KLF12: variants seen among roughly 807,000 people sequenced by gnomAD.
KLF12 encodes the protein Krueppel-like factor 12.
KLF12 carries 9 observed loss-of-function variants against 37.8 expected under a neutral mutation model. The ratio of observed to expected loss-of-function variants is 0.24; its 90% CI spans 0.14 to 0.42. The LOEUF (loss-of-function observed/expected upper bound fraction) is 0.42, where lower values mean the gene tolerates loss of function less well. Among genes scored for constraint, KLF12 ranks in the 10% least tolerant of loss-of-function variants. KLF12 has a pLI of 1.00. For synonymous variants in KLF12, 208 were observed against 202.1 expected (o/e 1.03, Z -0.25); for missense variants, 411 against 516.0 (o/e 0.80, Z 1.97).
At chr13:73,972,685 G>A (rs369368528) in intron 2 of KLF12, among the ~76,000 whole-genome samples, 26 of 149,462 alleles carry the variant, frequency 1.7e-4, no homozygotes, top group South Asian at 1.1e-3. Flanking sequence ...CCGGCAGATC[G>A]ATACGAGGTG....
At chr13:73,716,717 GT>G (rs1875839122) in intron 6 of KLF12, among the ~76,000 whole-genome samples, 1 of 151,704 alleles carries the variant, frequency 6.6e-6, no homozygotes, top group South Asian at 2.1e-4. Context: ...ATATCATGCT[GT>G]TTATATCATT....
At chr13:73,914,115 C>T (rs1038700744) in intron 3 of KLF12, among the ~76,000 whole-genome samples, 1 of 152,202 alleles carries the variant, frequency 6.6e-6, no homozygotes, top group Non-Finnish European at 1.5e-5. Context: ...TGCCTTCCAT[C>T]CTATACCCCA....
intron 1 of KLF12, among the ~76,000 whole-genome samples, chr13:74,111,884 A>C (rs1254087755): frequency 5.9e-5 from 9 of 152,224 alleles, no homozygotes; most frequent in Non-Finnish European, 1.3e-4. Context: ...ATATTACAGA[A>C]AACTAGATCA....
At chr13:74,063,811 C>A (rs1351187419) in intron 1 of KLF12, among the ~76,000 whole-genome samples, 1 of 152,074 alleles carries the variant, frequency 6.6e-6, no homozygotes, top group African/African-American at 2.4e-5. Context: ...TTTTCACTTC[C>A]TTTTGTAATT....
intron 5 of KLF12, among the ~76,000 whole-genome samples, chr13:73,769,195 G>A (rs1880119602): frequency 6.6e-6 from 1 of 152,128 alleles, no homozygotes; most frequent in Non-Finnish European, 1.5e-5. Flanking sequence ...AAATTTTAGA[G>A]GGCAGAAATT....
At chr13:73,721,941 T>A (rs1876295839) in intron 6 of KLF12, among the ~76,000 whole-genome samples, 1 of 152,184 alleles carries the variant, frequency 6.6e-6, no homozygotes, top group Non-Finnish European at 1.5e-5. Context: ...TATGCTAATG[T>A]CTTCCTTGAC....
chr13:73,962,312 G>C, intron 2 of KLF12, among the ~76,000 whole-genome samples: 1 of 152,176 alleles, frequency 6.6e-6, no homozygotes, highest in Non-Finnish European at 1.5e-5. Context: ...ATGATCAAGA[G>C]ATGCCAGGTC....
chr13:74,227,135 C>T, the KLF12 span, among the ~76,000 whole-genome samples: 31,719 of 152,140 alleles, frequency 0.21, 5,386 homozygotes, highest in African/African-American at 0.47. Flanking sequence ...GGTAGCATCA[C>T]TTGCCTTTCC....
chr13:73,981,615 TA>T lies in KLF12; in HGVS notation c.33+13374del, dbSNP rs549415506. 9.2e-5 allele frequency among the ~76,000 whole-genome samples: 14 copies of T among 152,284 alleles called. 1 individual carries two copies. The East Asian group carries it at 2.7e-3, about 29-fold the overall frequency. On this transcript the variant is annotated intron_variant, in intron 2 of 7. Transcript: ENST00000377669. ...TATATGATGAAAAGAAAGGAAATTA[TA>T]ATACAAAATTCAGGATAAATGGTTA...
intron 2 of KLF12, among the ~76,000 whole-genome samples, chr13:73,956,769 A>AT (rs1890847238): frequency 6.7e-6 from 1 of 149,312 alleles, no homozygotes; most frequent in Non-Finnish European, 1.5e-5. Context: ...AAAAATAACA[A>AT]TAAAAAAAAC....
At chr13:73,988,622 T>C (rs1246730832) in intron 2 of KLF12, among the ~76,000 whole-genome samples, 1 of 152,176 alleles carries the variant, frequency 6.6e-6, no homozygotes. Flanking sequence ...ATTCTATTCT[T>C]TATCAACACA....
At chr13:73,857,931 T>C (rs1364541641) in intron 3 of KLF12, among the ~76,000 whole-genome samples, 1 of 152,112 alleles carries the variant, frequency 6.6e-6, no homozygotes, top group Non-Finnish European at 1.5e-5. Context: ...AGTGAAAAAA[T>C]GTTAGTATAC....
chr13:73,704,029 G>A (rs1434328919), intron 7 of KLF12, among the ~76,000 whole-genome samples: 4 of 152,138 alleles, frequency 2.6e-5, no homozygotes, highest in Non-Finnish European at 5.9e-5. Context: ...TGGCTGTTCT[G>A]AGTTTTCATT....
chr13:73,937,497 T>C (rs1490726479), intron 3 of KLF12, among the ~76,000 whole-genome samples: 2 of 152,158 alleles, frequency 1.3e-5, no homozygotes, highest in African/African-American at 4.8e-5. Context: ...CAAATAACTC[T>C]AGGAAAGGGC....
At chr13:73,947,006 G>A (rs1012085297) in intron 2 of KLF12, among the ~76,000 whole-genome samples, 5 of 152,134 alleles carry the variant, frequency 3.3e-5, no homozygotes, top group African/African-American at 1.2e-4. Context: ...GATGAATGTA[G>A]ACTTTAAATA....
chr13:74,102,517 G>A (rs577953753), intron 1 of KLF12, among the ~76,000 whole-genome samples: 11 of 151,964 alleles, frequency 7.2e-5, no homozygotes, highest in Non-Finnish European at 1.6e-4. Context: ...GGCCAACCTG[G>A]AGAAACCCTG....
At chr13:74,229,955 C>T in the KLF12 span, among the ~76,000 whole-genome samples, 3 of 152,198 alleles carry the variant, frequency 2.0e-5, no homozygotes, top group South Asian at 6.2e-4. Context: ...AATCCTAATG[C>T]TGTCACTTAA....
At chr13:74,124,138 TA>T (rs919730274) in intron 1 of KLF12, among the ~76,000 whole-genome samples, 26 of 151,794 alleles carry the variant, frequency 1.7e-4, no homozygotes, top group African/African-American at 4.3e-4. Flanking sequence ...AATATAGTGC[TA>T]AAAAAAAATT....
the KLF12 span, among the ~76,000 whole-genome samples, chr13:74,180,381 C>A: frequency 6.6e-6 from 1 of 152,178 alleles, no homozygotes; most frequent in African/African-American, 2.4e-5. Flanking sequence ...CTCATTTCTT[C>A]TAAATAAAGG....
Sources: gnomAD v4.1 joint callset for allele counts (sites outside exome capture counted in the v4.1 genomes callset) on GRCh38, gnomAD v4.1.1 for gene constraint, MANE v1.5 for transcripts, NCBI Gene and HGNC (gene_info 2026-07-23, HGNC 2026-07-21) for gene names.